Variants in INSC observed in about 807,000 individuals in gnomAD.
INSC encodes the protein protein inscuteable homolog.
Under a neutral mutation model 58.6 loss-of-function variants are expected in INSC, and 67 were observed. That is an observed-to-expected ratio of 1.14 (90% CI 0.94 to 1.40). INSC has a LOEUF of 1.40. Among genes scored for constraint, INSC ranks in the 40% most tolerant of loss-of-function variants. The probability of loss-of-function intolerance (pLI) is 0.00; values close to 1 mark genes in which losing one functional copy is unlikely to be tolerated. For missense variants in INSC, 714 were observed against 692.0 expected, an observed-to-expected ratio of 1.03 and a Z score of -0.36; for synonymous variants, 262 against 276.1, an observed-to-expected ratio of 0.95 and a Z score of 0.51.
At position 15,145,702 on chromosome 11, in the gene INSC, G is replaced by A. The variant is rs1016182917; in HGVS notation, c.-45-3428G>A. Among the ~76,000 whole-genome samples, 16 of 152,286 alleles carry A rather than the reference G, an allele frequency of 1.1e-4. No homozygotes were observed. In the East Asian group the frequency reaches 3.1e-3, roughly 29 times the overall value. On this transcript the variant is annotated intron_variant, in intron 1 of 12. Transcript: ENST00000379556. ...GGAACAAAAGAGAAATGTCCCCATT[G>A]TCAAGCCACCCTTCCTCATTCCATA...
chr11:15,258,552 A>C, the INSC span, among the ~76,000 whole-genome samples: 1 of 152,324 alleles, frequency 6.6e-6, no homozygotes, highest in East Asian at 1.9e-4. Flanking sequence ...AAGCTCCTAC[A>C]ATATCCTGTC....
intron 9 of INSC, among the ~76,000 whole-genome samples, chr11:15,229,648 A>G (rs1272533087): frequency 1.3e-5 from 2 of 151,896 alleles, no homozygotes; most frequent in Non-Finnish European, 2.9e-5. Context: ...CCAATAATGA[A>G]TGGGATGGGT....
At chr11:15,180,782 C>T (rs1849752107) in intron 5 of INSC, among the ~76,000 whole-genome samples, 2 of 151,972 alleles carry the variant, frequency 1.3e-5, no homozygotes, top group Admixed American at 6.6e-5. Context: ...GGTGCTTTCC[C>T]CCTTCCCTGC....
chr11:15,133,184 C>T (rs896394022), intron 1 of INSC, among the ~76,000 whole-genome samples: 7 of 152,142 alleles, frequency 4.6e-5, no homozygotes, highest in African/African-American at 1.7e-4. Flanking sequence ...CTTTAGTTCT[C>T]TCGTATTTTT....
At chr11:15,115,909 C>G (rs1014090912) in intron 1 of INSC, among the ~76,000 whole-genome samples, 2 of 152,192 alleles carry the variant, frequency 1.3e-5, no homozygotes, top group South Asian at 2.1e-4. Flanking sequence ...CACCCTCAGC[C>G]GCTAGCCTCC....
chr11:15,177,457 A>G (rs999879709), intron 4 of INSC, among the ~76,000 whole-genome samples: 4 of 152,202 alleles, frequency 2.6e-5, no homozygotes, highest in African/African-American at 9.7e-5. Context: ...GGGAAGACCC[A>G]CAGATCCCCA....
intron 7 of INSC, 75 bp downstream of exon 7, chr11:15,201,024 A>G: frequency 6.6e-7 from 1 of 1,510,840 alleles, no homozygotes; most frequent in Admixed American, 2.1e-5. Context: ...CATGATGGCC[A>G]TCTGTTCCTT....
At chr11:15,244,606 C>T (rs1380661947) in intron 12 of INSC, among the ~76,000 whole-genome samples, 1 of 152,122 alleles carries the variant, frequency 6.6e-6, no homozygotes, top group African/African-American at 2.4e-5. Flanking sequence ...TGGAGTCAGA[C>T]TCCTGTGTGA....
At chr11:15,182,357 TGTCA>T (rs939447735) in intron 5 of INSC, among the ~76,000 whole-genome samples, 5 of 152,104 alleles carry the variant, frequency 3.3e-5, no homozygotes, top group African/African-American at 1.2e-4. Flanking sequence ...CTTGGTAGGA[TGTCA>T]GTCAGTTTAT....
At chr11:15,113,143 T>TTCTTTCTTTCTCTCTCTCTCTCTC, upstream of INSC, among the ~76,000 whole-genome samples, 1 of 98,642 alleles carries the variant, frequency 1.0e-5, no homozygotes, top group African/African-American at 3.5e-5. Flanking sequence ...CTTTCTTTCT[T>TTCTTTCTTTCTCTCTCTCTCTCTC]TCTGTCTCTC....
the INSC span, among the ~76,000 whole-genome samples, chr11:15,261,287 G>A: frequency 6.6e-6 from 1 of 152,074 alleles, no homozygotes; most frequent in African/African-American, 2.4e-5. Flanking sequence ...CTGGTTTTCA[G>A]TTCTTTCTAT....
chr11:15,128,393 A>G (rs767841737), intron 1 of INSC, among the ~76,000 whole-genome samples: 1 of 152,188 alleles, frequency 6.6e-6, no homozygotes, highest in African/African-American at 2.4e-5. Flanking sequence ...TCATAATGTC[A>G]TATCCATTAT....
chr11:15,217,844 T>G (rs1365336282), intron 7 of INSC, among the ~76,000 whole-genome samples: 2 of 152,218 alleles, frequency 1.3e-5, no homozygotes, highest in African/African-American at 4.8e-5. Flanking sequence ...ACAATTTTTG[T>G]AGCCATAAAA....
At chr11:15,141,699 A>G (rs911333862) in intron 1 of INSC, among the ~76,000 whole-genome samples, 18 of 152,078 alleles carry the variant, frequency 1.2e-4, no homozygotes, top group Admixed American at 1.1e-3. Context: ...AATAGCTCCA[A>G]TGACTATTGC....
intron 9 of INSC, 38 bp from the exon 10 acceptor site, chr11:15,235,564 G>C (rs554111603): frequency 1.3e-6 from 2 of 1,525,820 alleles, no homozygotes; most frequent in Admixed American, 1.7e-5. Context: ...AGGATCAGGT[G>C]TGCTCATTTT....
At chr11:15,179,584 A>T (rs1053881144) in intron 5 of INSC, among the ~76,000 whole-genome samples, 14 of 152,092 alleles carry the variant, frequency 9.2e-5, no homozygotes, top group Admixed American at 3.3e-4. Flanking sequence ...CCCCCATGTC[A>T]GTGCAGCAGG....
chr11:15,150,103 G>A (rs950884486), intron 2 of INSC, among the ~76,000 whole-genome samples: 1 of 152,176 alleles, frequency 6.6e-6, no homozygotes, highest in Non-Finnish European at 1.5e-5. Context: ...AACAGAGAGA[G>A]GGTGGTATTT....
At chr11:15,116,965 T>C (rs1304470567) in intron 1 of INSC, among the ~76,000 whole-genome samples, 2 of 138,218 alleles carry the variant, frequency 1.4e-5, no homozygotes, top group African/African-American at 5.4e-5. Flanking sequence ...CCTTCTTTGA[T>C]GGAGTCTTGC....
intron 1 of INSC, among the ~76,000 whole-genome samples, chr11:15,116,531 C>T (rs568726472): frequency 8.5e-4 from 129 of 152,232 alleles, no homozygotes; most frequent in African/African-American, 2.9e-3. Flanking sequence ...CACTATACAG[C>T]GCTTGGAAGA....
Sources: gnomAD v4.1 joint callset for allele counts (sites outside exome capture counted in the v4.1 genomes callset) on GRCh38, gnomAD v4.1.1 for gene constraint, MANE v1.5 for transcripts, NCBI Gene and HGNC (gene_info 2026-07-23, HGNC 2026-07-21) for gene names.